The following FAT3 variants were observed in gnomAD, a reference collection of about 807,000 sequenced individuals.
FAT3 encodes protocadherin Fat 3.
A neutral mutation model predicts 310.2 loss-of-function variants in FAT3; 95 were observed. That is an observed-to-expected ratio of 0.31 (90% CI 0.26 to 0.36). The LOEUF (loss-of-function observed/expected upper bound fraction) is 0.36, where lower values mean the gene tolerates loss of function less well. Among genes scored for constraint, FAT3 ranks in the 10% least tolerant of loss-of-function variants. The pLI, the probability that FAT3 is intolerant of heterozygous loss-of-function variation, is 1.00. For missense variants in FAT3, 5,408 were observed against 5,715.6 expected (o/e 0.95, Z 1.74); for synonymous variants, 2,314 against 2,192.9 (o/e 1.06, Z -1.54).
At chr11:92,640,442 G>A (rs1298574900) in intron 3 of FAT3, among the ~76,000 whole-genome samples, 1 of 152,140 alleles carries the variant, frequency 6.6e-6, no homozygotes, top group Non-Finnish European at 1.5e-5. Flanking sequence ...TTAGCCTGGT[G>A]CCTGAGTCCT....
intron 8 of FAT3, among the ~76,000 whole-genome samples, chr11:92,790,949 T>C (rs1284808678): frequency 6.6e-6 from 1 of 152,198 alleles, no homozygotes; most frequent in Admixed American, 6.5e-5. Flanking sequence ...ACTGTGTTCC[T>C]TTAAGACCAG....
chr11:92,491,000 C>T (rs1952583070), intron 2 of FAT3, among the ~76,000 whole-genome samples: 1 of 151,946 alleles, frequency 6.6e-6, no homozygotes, highest in African/African-American at 2.4e-5. Flanking sequence ...TAATTCTCTT[C>T]TGTGAAGAGG....
At chr11:92,692,717 G>A (rs143530078) in intron 3 of FAT3, among the ~76,000 whole-genome samples, 2 of 152,340 alleles carry the variant, frequency 1.3e-5, no homozygotes, top group East Asian at 1.9e-4. Flanking sequence ...ACATGAAGAA[G>A]TGAGAAGCAT....
At chr11:92,292,549 TTTA>T (rs1946718242) in intron 1 of FAT3, among the ~76,000 whole-genome samples, 1 of 152,078 alleles carries the variant, frequency 6.6e-6, no homozygotes, top group African/African-American at 2.4e-5. Context: ...TGCTACAGTG[TTTA>T]TTAAGCAAAT....
chr11:92,344,861 A>G (rs1948367321), intron 1 of FAT3, among the ~76,000 whole-genome samples: 1 of 152,070 alleles, frequency 6.6e-6, no homozygotes, highest in Non-Finnish European at 1.5e-5. Flanking sequence ...CCCCTCAGAT[A>G]AGGCTGGGGG....
At chr11:92,617,466 G>A (rs1940866899) in intron 3 of FAT3, among the ~76,000 whole-genome samples, 1 of 152,136 alleles carries the variant, frequency 6.6e-6, no homozygotes, top group South Asian at 2.1e-4. Flanking sequence ...CCAATCGTCT[G>A]AAGCCTTCTT....
rs866052102 is a variant in FAT3, at chr11:92,315,524, G to T, written c.-17-36572G>T. ...ATATATATATATATAGAGAGAGAGA[G>T]AGAGAGAGAGAGAGAGAGAGAGAGA... On this transcript the variant is annotated intron_variant, in intron 1 of 27. Transcript: ENST00000525166. Among the ~76,000 whole-genome samples the T allele has an allele frequency of 6.7e-3, 883 of 131,746 alleles. 3 individuals are homozygous for T. The highest frequency in any genetic ancestry group is 0.01 in the Non-Finnish European group (653 of 62,492). The allele number at this position is 131,746 out of a possible 152,430, so 86.4% of individuals were successfully genotyped here. A position where few individuals can be genotyped will look rare whatever the true frequency, so the allele number is the denominator to read the frequency against.
intron 2 of FAT3, among the ~76,000 whole-genome samples, chr11:92,444,031 G>C (rs1191896598): frequency 6.6e-6 from 1 of 152,108 alleles, no homozygotes; most frequent in Non-Finnish European, 1.5e-5. Flanking sequence ...AAGAGAGCTG[G>C]TATTTGAACT....
rs751825746 is a variant in FAT3, at chr11:92,719,720, C to CTGTGTGTGTG, written c.3669+22317_3669+22326dup. 1.5e-3 allele frequency among the ~76,000 whole-genome samples: 204 copies of CTGTGTGTGTG among 136,848 alleles called. 2 individuals are homozygous for CTGTGTGTGTG. The highest frequency in any genetic ancestry group is 6.9e-3 in the East Asian group (31 of 4,524). The allele number at this position is 136,848 out of a possible 152,430, so 89.8% of individuals were successfully genotyped here. ...ACCCATGGATACAGGAGAACCAACT[C>CTGTGTGTGTG]TGTGTGTGTGTGTGTGTGTGTGTGT... On this transcript the variant is annotated intron_variant, in intron 4 of 27. Transcript: ENST00000525166.
chr11:92,259,866 A>G (rs1284482446), intron 1 of FAT3, among the ~76,000 whole-genome samples: 3 of 152,120 alleles, frequency 2.0e-5, no homozygotes, highest in Admixed American at 6.6e-5. Context: ...ACCTGCTTTC[A>G]TCTCCTCTTC....
intron 2 of FAT3, among the ~76,000 whole-genome samples, chr11:92,362,776 A>G (rs1439335699): frequency 6.6e-6 from 1 of 152,232 alleles, no homozygotes; most frequent in African/African-American, 2.4e-5. Context: ...AAATATTTCT[A>G]AAACAGATTT....
chr11:92,387,755 G>A (rs1949659661), intron 2 of FAT3, among the ~76,000 whole-genome samples: 1 of 152,138 alleles, frequency 6.6e-6, no homozygotes, highest in African/African-American at 2.4e-5. Context: ...ATTTTGATGA[G>A]CCATTGACAC....
chr11:92,457,460 G>A (rs1011775500), intron 2 of FAT3, among the ~76,000 whole-genome samples: 6 of 151,964 alleles, frequency 3.9e-5, no homozygotes, highest in Non-Finnish European at 8.8e-5. Flanking sequence ...GAGTTTCTGT[G>A]CAAAGAACCA....
intron 2 of FAT3, among the ~76,000 whole-genome samples, chr11:92,483,987 A>G (rs1952305086): frequency 6.6e-6 from 1 of 152,200 alleles, no homozygotes; most frequent in South Asian, 2.1e-4. Flanking sequence ...CACTCACATG[A>G]GGGTGCTATG....
chr11:92,522,916 T>C (rs893149595), intron 2 of FAT3, among the ~76,000 whole-genome samples: 7 of 152,180 alleles, frequency 4.6e-5, no homozygotes, highest in African/African-American at 1.2e-4. Flanking sequence ...TATGACTGCA[T>C]TGTGTGCTAT....
At chr11:92,826,440 A>G (rs1235139991) in intron 13 of FAT3, among the ~76,000 whole-genome samples, 1 of 152,214 alleles carries the variant, frequency 6.6e-6, no homozygotes, top group Non-Finnish European at 1.5e-5. Context: ...GATAGCCTGC[A>G]GCATGGGATT....
intron 1 of FAT3, among the ~76,000 whole-genome samples, chr11:92,348,963 A>G (rs1176850267): frequency 6.6e-6 from 1 of 152,136 alleles, no homozygotes; most frequent in East Asian, 1.9e-4. Context: ...GCTGTACTGG[A>G]TGCTGGGAAT....
intron 3 of FAT3, among the ~76,000 whole-genome samples, chr11:92,529,529 GTTTTT>G (rs924776055): frequency 3.3e-5 from 5 of 151,548 alleles, no homozygotes; most frequent in Admixed American, 6.6e-5. Context: ...AAAGGGCCTT[GTTTTT>G]TTTGTTTTGT....
rs114106353 is a variant in FAT3 at position 92,233,434 on chromosome 11, G to A, written c.-18+8260G>A. On this transcript the variant is annotated intron_variant, in intron 1 of 27. Coordinates refer to ENST00000525166, the MANE Select transcript of FAT3 (RefSeq NM_001367949.2). ...CATGTGCTGGGTTCTTCAGGCCCGT[G>A]TCATTGTTGGCAAAGTATACTAAGA... Among the ~76,000 whole-genome samples the A allele has an allele frequency of 5.5e-3, 838 of 152,274 alleles. 11 individuals are homozygous for A. The highest frequency in any genetic ancestry group is 0.018 in the African/African-American group (765 of 41,554).
Sources: allele counts gnomAD v4.1 joint callset (sites outside exome capture counted in the v4.1 genomes callset), GRCh38; gene constraint gnomAD v4.1.1; transcripts MANE v1.5; gene names NCBI Gene and HGNC (gene_info 2026-07-23, HGNC 2026-07-21).